CROT: variants seen among roughly 807,000 people sequenced by gnomAD.
The protein encoded by CROT is peroxisomal carnitine O-octanoyltransferase.
A neutral mutation model predicts 89.2 loss-of-function variants in CROT; 84 were observed. The observed-to-expected ratio is 0.94, with a 90% CI of 0.79 to 1.13. CROT has a LOEUF of 1.13. Ranked by LOEUF, CROT falls within the 50% of genes most tolerant of loss-of-function variation. The probability of loss-of-function intolerance (pLI) is 0.00; values close to 1 mark genes in which losing one functional copy is unlikely to be tolerated. For missense variants in CROT, 711 were observed against 727.8 expected (o/e 0.98, Z 0.27); for synonymous variants, 212 against 239.5 (o/e 0.89, Z 1.06).
chr7:87,392,841 T>C lies in CROT; in HGVS notation c.1598+18T>C. The C allele has an allele frequency of 1.2e-6, 2 of 1,610,496 alleles. No individual in the cohort carries two copies. The highest frequency in any genetic ancestry group is 8.5e-7 in the Non-Finnish European group (1 of 1,178,076). ...TCCAAAAGGTAATATAGTGTAGTGT[T>C]TTACAGCTTCATCAATTGGCTTCCT... On this transcript the variant is annotated intron_variant, in intron 16 of 17. Coordinates refer to ENST00000331536, the MANE Select transcript of CROT (RefSeq NM_021151.4).
At chr7:87,380,477 C>A (rs955044126) in intron 10 of CROT, among the ~76,000 whole-genome samples, 1 of 62,684 alleles carries the variant, frequency 1.6e-5, no homozygotes, top group Non-Finnish European at 4.5e-5. Flanking sequence ...GGAAATGAGG[C>A]AGTTTAATTA....
rs950956461 is a variant in CROT at position 87,393,018 on chromosome 7, C to G, written c.1669C>G (p.Pro557Ala). The change falls in exon 17 of 18, where the codon CCC becomes GCC. Residue 557 changes from proline (P) to alanine (A), a missense_variant. By Grantham distance (27) the Pro-to-Ala change is conservative. Transcript: ENST00000331536. The stretch of plus-strand genomic sequence containing the variant: ...TTTACGAGTCCAGGGAGTGGTAGTT[C>G]CCATGGTACACAATGGTTATGGATT... ...GYLRVQGVVV[P>A]MVHNGYGFFY... 6.2e-7 allele frequency: 1 copy of G among 1,613,280 alleles called. No individual in the cohort carries two copies. Among genetic ancestry groups the G allele is most frequent in the South Asian group, 1.1e-5 (1 of 91,052 alleles).
At chr7:87,347,852 A>C (rs1005987787) in intron 2 of CROT, among the ~76,000 whole-genome samples, 1 of 152,188 alleles carries the variant, frequency 6.6e-6, no homozygotes, top group Non-Finnish European at 1.5e-5. Context: ...CAGGGAGAAC[A>C]CATGCATTCC....
chr7:87,363,196 A>G (rs1292672812), intron 6 of CROT, among the ~76,000 whole-genome samples: 1 of 152,212 alleles, frequency 6.6e-6, no homozygotes, highest in Non-Finnish European at 1.5e-5. Context: ...ATGGGGATTC[A>G]TTAATAATGC....
intron 17 of CROT, among the ~76,000 whole-genome samples, chr7:87,393,518 G>A (rs190183907): frequency 6.6e-6 from 1 of 152,244 alleles, no homozygotes; most frequent in East Asian, 1.9e-4. Flanking sequence ...TGGGCTGTGT[G>A]GAGTTTGACT....
chr7:87,396,907 T>C (rs1807544440), intron 17 of CROT, among the ~76,000 whole-genome samples: 2 of 152,166 alleles, frequency 1.3e-5, no homozygotes, highest in Non-Finnish European at 1.5e-5. Context: ...CTTTGAGATA[T>C]TTTGATGGTT....
intron 10 of CROT, among the ~76,000 whole-genome samples, chr7:87,379,371 T>C (rs1280728947): frequency 6.6e-6 from 1 of 152,150 alleles, no homozygotes; most frequent in Non-Finnish European, 1.5e-5. Context: ...CATTTGAGAG[T>C]TGTGTTTCAT....
chr7:87,368,617 C>T (rs1057393345), intron 6 of CROT, among the ~76,000 whole-genome samples: 2 of 152,174 alleles, frequency 1.3e-5, no homozygotes, highest in African/African-American at 2.4e-5. Context: ...AATACTGACC[C>T]GTAAATAATA....
chr7:87,373,308 A>G (rs1806698863), intron 7 of CROT, among the ~76,000 whole-genome samples: 1 of 152,050 alleles, frequency 6.6e-6, no homozygotes, highest in East Asian at 1.9e-4. Flanking sequence ...ATTGAATTGT[A>G]ATCGTTCTTT....
chr7:87,361,353 T>G, intron 4 of CROT, 37 bp from the exon 5 acceptor site: 1 of 1,575,430 alleles, frequency 6.3e-7, no homozygotes, highest in Non-Finnish European at 8.7e-7. Context: ...TCATGTATTA[T>G]GAAGAACATT....
At position 87,357,361 on chromosome 7, in the gene CROT, T is replaced by C. The variant is rs1806111818; in HGVS notation, c.116-1845T>C. 22 of 1,019,174 alleles carry C rather than the reference T, an allele frequency of 2.2e-5. 1 individual carries two copies. In the South Asian group the frequency reaches 3.2e-4, roughly 15 times the overall value. The allele number at this position is 1,019,174 out of a possible 1,614,324, so 63.1% of individuals were successfully genotyped here. On this transcript the variant is annotated intron_variant, in intron 3 of 17. Coordinates refer to ENST00000331536, the MANE Select transcript of CROT (RefSeq NM_021151.4). Reference sequence around the variant, plus strand: ...GGCTGGGACTCTAACCCAAATATTATACCCTAGAGACTCTAACCCCATTGG... The same window carrying C: ...GGCTGGGACTCTAACCCAAATATTACACCCTAGAGACTCTAACCCCATTGG...
intron 7 of CROT, among the ~76,000 whole-genome samples, chr7:87,375,005 A>G (rs1806760252): frequency 6.6e-6 from 1 of 152,086 alleles, no homozygotes; most frequent in South Asian, 2.1e-4. Flanking sequence ...TATCTGCTGT[A>G]TGTTTAAAGA....
At chr7:87,390,887 A>G (rs1452836613) in intron 13 of CROT, among the ~76,000 whole-genome samples, 1 of 152,188 alleles carries the variant, frequency 6.6e-6, no homozygotes, top group African/African-American at 2.4e-5. Flanking sequence ...TTTATATCAC[A>G]TATTTTGTGG....
chr7:87,392,481 A>G (rs1807394142), intron 14 of CROT, 85 bp from the exon 15 acceptor site: 3 of 1,011,956 alleles, frequency 3.0e-6, no homozygotes, highest in African/African-American at 1.6e-5. Flanking sequence ...AATTACCCCA[A>G]TCCTAATTAC....
At chr7:87,354,367 C>T (rs897334872) in intron 3 of CROT, 2 of 518,318 alleles carry the variant, frequency 3.9e-6, no homozygotes, top group Non-Finnish European at 7.7e-6. Flanking sequence ...ATAACCTGGA[C>T]ATCAAACCTG....
chr7:87,381,258 G>A (rs182630621), intron 10 of CROT, among the ~76,000 whole-genome samples: 47 of 152,272 alleles, frequency 3.1e-4, no homozygotes, highest in African/African-American at 1.1e-3. Context: ...TGGGGAAAAT[G>A]CGGGCAAAAA....
intron 6 of CROT, among the ~76,000 whole-genome samples, chr7:87,365,271 CTGAGGTCAGGAATT>C (rs1343243391): frequency 6.6e-6 from 1 of 152,002 alleles, no homozygotes; most frequent in Non-Finnish European, 1.5e-5. Flanking sequence ...GGCAGATCAC[CTGAGGTCAGGAATT>C]TGAGACCAGC....
chr7:87,390,752 G>A (rs949724622), intron 13 of CROT, among the ~76,000 whole-genome samples: 7 of 152,166 alleles, frequency 4.6e-5, no homozygotes, highest in Non-Finnish European at 8.8e-5. Context: ...AGTCCTTCAT[G>A]TTCTATATGG....
intron 13 of CROT, among the ~76,000 whole-genome samples, chr7:87,389,083 A>G (rs1807274295): frequency 6.6e-6 from 1 of 152,244 alleles, no homozygotes; most frequent in South Asian, 2.1e-4. Context: ...ATACCATCTT[A>G]TGCCAGTTAG....
Sources: allele counts gnomAD v4.1 joint callset (sites outside exome capture counted in the v4.1 genomes callset), GRCh38; gene constraint gnomAD v4.1.1; transcripts MANE v1.5; gene names NCBI Gene and HGNC (gene_info 2026-07-23, HGNC 2026-07-21).